Variants in ESYT1 observed in about 807,000 individuals in gnomAD.
ESYT1 encodes extended synaptotagmin-1.
In ESYT1, 116 loss-of-function variants were observed where a neutral mutation model predicts 154.2. That is an observed-to-expected ratio of 0.75 (90% CI 0.65 to 0.88). The LOEUF is 0.88. Ranked by LOEUF, ESYT1 falls within the 40% of genes least tolerant of loss-of-function variation. ESYT1 has a pLI of 0.00. For synonymous variants in ESYT1, 500 were observed against 539.9 expected, an observed-to-expected ratio of 0.93 and a Z score of 1.02; for missense variants, 1,264 against 1,379.3, an observed-to-expected ratio of 0.92 and a Z score of 1.32.
intron 24 of ESYT1, among the ~76,000 whole-genome samples, chr12:56,139,596 T>G (rs78506639): frequency 4.5e-4 from 45 of 100,310 alleles, no homozygotes; most frequent in African/African-American, 1.7e-3. Flanking sequence ...AGGGTAGATT[T>G]TTTTTTTTTT....
At position 56,137,257 on chromosome 12, in the gene ESYT1, G is replaced by A; in HGVS notation, c.1822G>A (p.Val608Met). Residue 608 changes from valine (V) to methionine (M), a missense_variant, in exon 17 of 31, where the codon GTG becomes ATG. Physicochemically the swap from Val to Met is conservative, Grantham distance 21. Transcript: ENST00000394048. ...TTCATCAGAAATATGCTTCCCCACG[G>A]TGCCTGGTTGTCCTGGTGCTTGGGA... ...LDSSEICFPT[V>M]PGCPGAWDVD... 6.2e-7 allele frequency: 1 copy of A among 1,614,174 alleles called. No individual in the cohort carries two copies. The highest frequency in any genetic ancestry group is 8.5e-7 in the Non-Finnish European group (1 of 1,180,038).
intron 1 of ESYT1, 56 bp downstream of exon 1, chr12:56,128,765 C>G (rs1870109475): frequency 6.3e-7 from 1 of 1,599,122 alleles, no homozygotes; most frequent in Non-Finnish European, 8.5e-7. Context: ...CCCCTTCCAT[C>G]TGGGGCTTTT....
rs776220668 is a variant in ESYT1, at chr12:56,134,143, G to A, written c.1507G>A (p.Val503Ile). Residue 503 changes from valine (V) to isoleucine (I), a missense_variant, in exon 14 of 31, where the codon GTA (valine) becomes ATA (isoleucine). By Grantham distance (29) the Val-to-Ile change is conservative. Coordinates refer to ENST00000394048, the MANE Select transcript of ESYT1 (RefSeq NM_015292.3). ...GGGGAACAAGGAACCCAACCCTATGGTACAACTGTCAATTCAGGATGTGAC... is the reference window on the plus strand; with the variant it reads ...GGGGAACAAGGAACCCAACCCTATGATACAACTGTCAATTCAGGATGTGAC... ...KKGNKEPNPM[V>I]QLSIQDVTQE... 16 of 1,614,106 alleles carry A rather than the reference G, an allele frequency of 9.9e-6. No homozygotes were observed. Among genetic ancestry groups the A allele is most frequent in the Non-Finnish European group, 1.3e-5 (15 of 1,180,022 alleles).
At position 56,144,079 on chromosome 12, in the gene ESYT1, G is replaced by A. The variant is rs976976881; in HGVS notation, c.*217G>A. The A allele has an allele frequency of 1.4e-6, 2 of 1,426,458 alleles. No homozygotes were observed. Among genetic ancestry groups the A allele is most frequent in the East Asian group, 5.1e-5 (2 of 39,530 alleles). The allele number at this position is 1,426,458 out of a possible 1,614,324, so 88.4% of individuals were successfully genotyped here. A position where few individuals can be genotyped will look rare whatever the true frequency, so the allele number is the denominator to read the frequency against. On this transcript the variant is annotated 3_prime_UTR_variant, in exon 31 of 31. Transcript: ENST00000394048. ...GCCTTTATCCTTCTGGGCCCCTGGGGCGGGGACCTGAGCTGGCTGTTTCCT... is the reference window on the plus strand; with the variant it reads ...GCCTTTATCCTTCTGGGCCCCTGGGACGGGGACCTGAGCTGGCTGTTTCCT...
rs1870738263 is a variant in ESYT1, at chr12:56,142,421, TA to T, written c.2730del (p.Ile912SerfsTer23). The part of the protein sequence containing the change: ...GQGQVLLRAQ[L>X]GILVSQHSGV... ...GGGCAGGTGCTACTGAGAGCACAGC[TA>T]GGGGTGAGTGACAGGAGATGGTGGG... On this transcript the variant is annotated frameshift_variant, in exon 25 of 31. Coordinates refer to ENST00000394048, the MANE Select transcript of ESYT1 (RefSeq NM_015292.3). LOFTEE classifies it high-confidence loss of function. The surrounding 1 kb of genome is among the most constrained non-coding windows in gnomAD (Gnocchi z 4.1). 1 of 1,611,840 alleles carries T rather than the reference TA, an allele frequency of 6.2e-7. No homozygotes were observed. Among genetic ancestry groups the T allele is most frequent in the Non-Finnish European group, 8.5e-7 (1 of 1,178,536 alleles).
rs907988743 is a variant in ESYT1, at chr12:56,133,402, C to T, written c.1245-15C>T. ...TTTTCTTCCTTTCACTACCCTCTCC[C>T]CCGCCAACCCTCAGAATGAAGCTGG... is the stretch of plus-strand genomic sequence containing the variant. On this transcript the variant is annotated splice_polypyrimidine_tract_variant and intron_variant, in intron 10 of 30. Coordinates refer to ENST00000394048, the MANE Select transcript of ESYT1 (RefSeq NM_015292.3). The T allele has an allele frequency of 2.5e-6, 4 of 1,614,174 alleles. No individual in the cohort carries two copies. Among genetic ancestry groups the T allele is most frequent in the Admixed American group, 3.3e-5 (2 of 60,024 alleles).
At position 56,143,073 on chromosome 12, in the gene ESYT1, T is replaced by C. The variant is rs775060253; in HGVS notation, c.3044T>C (p.Leu1015Pro). The stretch of plus-strand genomic sequence containing the variant: ...GATCCCTATGTGTCACTGTTGCTAC[T>C]GCCAGACAAGAACCGAGGCACCAAG... ...PPDPYVSLLL[L>P]PDKNRGTKRR... Residue 1015 changes from leucine (L) to proline (P), a missense_variant, in exon 28 of 31, where the codon CTG becomes CCG. Transcript: ENST00000394048. The C allele has an allele frequency of 1.9e-5, 31 of 1,614,076 alleles. No homozygotes were observed. The highest frequency in any genetic ancestry group is 2.5e-5 in the Non-Finnish European group (29 of 1,180,038).
intron 15 of ESYT1, among the ~76,000 whole-genome samples, chr12:56,135,595 G>C (rs1870417891): frequency 6.6e-6 from 1 of 151,950 alleles, no homozygotes; most frequent in African/African-American, 2.4e-5. Context: ...TCAAGAACAA[G>C]TACATATGAA....
intron 15 of ESYT1, among the ~76,000 whole-genome samples, chr12:56,135,161 T>C (rs1304187996): frequency 6.6e-6 from 1 of 151,740 alleles, no homozygotes; most frequent in African/African-American, 2.4e-5. Flanking sequence ...TCAATAAAAT[T>C]GCTAACATTC....
chr12:56,140,852 G>A (rs866186858), intron 24 of ESYT1, among the ~76,000 whole-genome samples: 14 of 152,184 alleles, frequency 9.2e-5, no homozygotes, highest in African/African-American at 3.4e-4. Context: ...GTGATATGGA[G>A]CAGGTGGAGG....
At chr12:56,129,197 G>T (rs949835814) in intron 1 of ESYT1, 1 of 161,214 alleles carries the variant, frequency 6.2e-6, no homozygotes, top group African/African-American at 2.4e-5. Context: ...CCGGGTACCC[G>T]CTAGGACCCA....
At position 56,133,409 on chromosome 12, in the gene ESYT1, A is replaced by G. The variant is rs369386946; in HGVS notation, c.1245-8A>G. On this transcript the variant is annotated splice_polypyrimidine_tract_variant and splice_region_variant and intron_variant, in intron 10 of 30. Transcript: ENST00000394048. ...CCTTTCACTACCCTCTCCCCCGCCA[A>G]CCCTCAGAATGAAGCTGGATGTAGG... 1.1e-5 allele frequency: 17 copies of G among 1,614,034 alleles called. No individual in the cohort carries two copies. Among genetic ancestry groups the G allele is most frequent in the Non-Finnish European group, 1.4e-5 (17 of 1,180,044 alleles).
chr12:56,142,580 C>T lies in ESYT1; in HGVS notation c.2736C>T (p.Ile912=). 1 of 1,614,126 alleles carries T rather than the reference C, an allele frequency of 6.2e-7. No individual in the cohort carries two copies. The highest frequency in any genetic ancestry group is 1.7e-5 in the Admixed American group (1 of 60,026). The change falls in exon 26 of 31, where the codon ATC becomes ATT. Residue 912 remains isoleucine (I), a splice_region_variant and synonymous_variant. Coordinates refer to ENST00000394048, the MANE Select transcript of ESYT1 (RefSeq NM_015292.3). This position sits in a 1 kb window ranked among gnomAD's most constrained non-coding sequence, Gnocchi z 4.1. ...GQVLLRAQLG[I]LVSQHSGVEA... The stretch of plus-strand genomic sequence containing the variant: ...GCTCACAGCTTTCTTGCCCCTAGAT[C>T]CTGGTGTCCCAGCACTCGGGAGTGG...
At position 56,142,859 on chromosome 12, in the gene ESYT1, T is replaced by G; in HGVS notation, c.2913T>G (p.Pro971=). ...GTCCCCTTGAGGCTCCAGCCGGGCC[T>G]CTGGGCCAGGTGAAACTGACTCTGT... ...VDSPLEAPAG[P]LGQVKLTLWY... Residue 971 remains proline (P), a synonymous_variant, in exon 27 of 31, where the codon CCT becomes CCG. Transcript: ENST00000394048. This position sits in a 1 kb window ranked among gnomAD's most constrained non-coding sequence, Gnocchi z 4.1. 6.2e-7 allele frequency: 1 copy of G among 1,614,230 alleles called. No homozygotes were observed. Among genetic ancestry groups the G allele is most frequent in the Non-Finnish European group, 8.5e-7 (1 of 1,180,042 alleles).
chr12:56,134,111 TGAA>T lies in ESYT1; in HGVS notation c.1480_1482del (p.Lys494del). ...ACCTCTGAATTGTACCCACCACAGCTGAAGAAGGGGAACAAGGAACCCAACCCT... is the reference window on the plus strand; with the variant it reads ...ACCTCTGAATTGTACCCACCACAGCTGAAGGGGAACAAGGAACCCAACCCT... On this transcript the variant is annotated inframe_deletion and splice_region_variant, in exon 14 of 31. Transcript: ENST00000394048. 1 of 1,613,952 alleles carries T rather than the reference TGAA, an allele frequency of 6.2e-7. No individual in the cohort carries two copies. Among genetic ancestry groups the T allele is most frequent in the Non-Finnish European group, 8.5e-7 (1 of 1,179,980 alleles).
chr12:56,138,804 A>G lies in ESYT1; in HGVS notation c.2470A>G (p.Thr824Ala), dbSNP rs887828425. ...CACCAAGCACCTCAGCCCTTATGCTACTCTCACTGTGGGAGATAGTTCTCA... is the reference window on the plus strand; with the variant it reads ...CACCAAGCACCTCAGCCCTTATGCTGCTCTCACTGTGGGAGATAGTTCTCA... ...KGTKHLSPYA[T>A]LTVGDSSHKT... The change falls in exon 23 of 31, where the codon ACT becomes GCT. Residue 824 changes from threonine to alanine, a missense_variant. Physicochemically the swap from Thr to Ala is moderately conservative, Grantham distance 58. Transcript: ENST00000394048. The G allele has an allele frequency of 1.1e-5, 17 of 1,614,058 alleles. No homozygotes were observed. Among genetic ancestry groups the G allele is most frequent in the Non-Finnish European group, 1.4e-5 (17 of 1,180,034 alleles).
chr12:56,141,185 A>T (rs1189255198), intron 24 of ESYT1, among the ~76,000 whole-genome samples: 1 of 152,196 alleles, frequency 6.6e-6, no homozygotes, highest in African/African-American at 2.4e-5. Context: ...TGCCCGGCTG[A>T]AATTAATAGA....
chr12:56,144,602 A>G lies in ESYT1; in HGVS notation c.*740A>G. 1 of 985,444 alleles carries G rather than the reference A, an allele frequency of 1.0e-6. No homozygotes were observed. The highest frequency in any genetic ancestry group is 1.2e-6 in the Non-Finnish European group (1 of 829,960). The allele number at this position is 985,444 out of a possible 1,614,324, so 61.0% of individuals were successfully genotyped here. On this transcript the variant is annotated 3_prime_UTR_variant, in exon 31 of 31. Transcript: ENST00000394048. Reference sequence around the variant, plus strand: ...CTGCTAACTCACTGACTAGAACTTAATCTGGTACTTTACAGTTTTGCACCA... The same window carrying G: ...CTGCTAACTCACTGACTAGAACTTAGTCTGGTACTTTACAGTTTTGCACCA...
chr12:56,131,531 G>C lies in ESYT1; in HGVS notation c.769G>C (p.Val257Leu), dbSNP rs142834947. ...GCCACTCATTGGGGACCTTCCCTTC[G>C]TGGGGGCTGTGTCAATGTTCTTCAT... ...LEPLIGDLPF[V>L]GAVSMFFIRR... The change falls in exon 6 of 31, where the codon GTG (valine) becomes CTG (leucine). Residue 257 changes from valine (V) to leucine (L), a missense_variant. Val to Leu is a conservative substitution (Grantham distance 32, BLOSUM62 1). Transcript: ENST00000394048. 1 of 1,614,096 alleles carries C rather than the reference G, an allele frequency of 6.2e-7. No individual in the cohort carries two copies. Among genetic ancestry groups the C allele is most frequent in the Non-Finnish European group, 8.5e-7 (1 of 1,180,020 alleles).
Sources: gnomAD v4.1 joint callset for allele counts (sites outside exome capture counted in the v4.1 genomes callset) on GRCh38, gnomAD v4.1.1 for gene constraint, Gnocchi (gnomAD v3.1) non-coding constraint, MANE v1.5 for transcripts, NCBI Gene and HGNC (gene_info 2026-07-23, HGNC 2026-07-21) for gene names.